DLGAP1: variants seen among roughly 807,000 people sequenced by gnomAD.
The protein encoded by DLGAP1 is DLG associated protein 1.
In DLGAP1, 11 loss-of-function variants were observed where a neutral mutation model predicts 90.8. The observed-to-expected ratio is 0.12, with a 90% CI of 0.08 to 0.20. The LOEUF is 0.20. Among genes scored for constraint, DLGAP1 ranks in the 10% least tolerant of loss-of-function variants. DLGAP1 has a pLI of 1.00. For missense variants in DLGAP1, 1,050 were observed against 1,333.8 expected, an observed-to-expected ratio of 0.79 and a Z score of 3.31; for synonymous variants, 558 against 540.7, an observed-to-expected ratio of 1.03 and a Z score of -0.44.
At chr18:3,613,216 AT>A (rs2057713206) in intron 7 of DLGAP1, among the ~76,000 whole-genome samples, 1 of 152,212 alleles carries the variant, frequency 6.6e-6, no homozygotes, top group Non-Finnish European at 1.5e-5. Flanking sequence ...TTCAGGTTAC[AT>A]GAATTGTTGG....
At chr18:4,029,055 T>G (rs1312334271) in intron 2 of DLGAP1, among the ~76,000 whole-genome samples, 1 of 152,210 alleles carries the variant, frequency 6.6e-6, no homozygotes, top group African/African-American at 2.4e-5. Context: ...TTTTACTCTC[T>G]GCTTCTAAGA....
At chr18:3,749,448 C>T (rs1006525923) in intron 5 of DLGAP1, among the ~76,000 whole-genome samples, 22 of 151,996 alleles carry the variant, frequency 1.4e-4, no homozygotes, top group African/African-American at 4.4e-4. Context: ...CCACTGCGCC[C>T]GGCCAACATC....
At chr18:4,206,897 A>G (rs1568450729) in intron 1 of DLGAP1, among the ~76,000 whole-genome samples, 1 of 152,218 alleles carries the variant, frequency 6.6e-6, no homozygotes, top group Non-Finnish European at 1.5e-5. Flanking sequence ...AAGCTGAGAG[A>G]ATTTCTTTAG....
chr18:3,909,463 C>A (rs2071985181), intron 3 of DLGAP1, among the ~76,000 whole-genome samples: 1 of 152,162 alleles, frequency 6.6e-6, no homozygotes, highest in South Asian at 2.1e-4. Context: ...CCAAAAGGGA[C>A]CGACTGTCTA....
At chr18:3,504,359 G>A (rs1488637037) in intron 11 of DLGAP1, among the ~76,000 whole-genome samples, 1 of 151,886 alleles carries the variant, frequency 6.6e-6, no homozygotes, top group African/African-American at 2.4e-5. Context: ...GGCACTTTGG[G>A]AACTATAAAT....
At chr18:3,589,419 C>T (rs1168006674) in intron 7 of DLGAP1, among the ~76,000 whole-genome samples, 2 of 152,068 alleles carry the variant, frequency 1.3e-5, no homozygotes, top group East Asian at 1.9e-4. Flanking sequence ...ACCAGCTAAG[C>T]GAATGGATCA....
intron 1 of DLGAP1, among the ~76,000 whole-genome samples, chr18:4,401,133 A>T (rs2082545265): frequency 1.3e-5 from 2 of 152,212 alleles, no homozygotes; most frequent in East Asian, 3.8e-4. Flanking sequence ...GAGGCACTTC[A>T]AAATGGTTAA....
In DLGAP1 at chr18:3,539,689, CCT is replaced by C. The variant is rs577962579; in HGVS notation, c.2058-5076_2058-5075del. 7.2e-5 allele frequency among the ~76,000 whole-genome samples: 11 copies of C among 152,310 alleles called. No individual in the cohort carries two copies. In the South Asian group the frequency reaches 1.7e-3, roughly 23 times the overall value. ...ACTGAAGAGGTTCCATTCTTGTCCC[CCT>C]GTCTGATAGAGTTGCAGTTAAACAA... is the stretch of plus-strand genomic sequence containing the variant. On this transcript the variant is annotated intron_variant, in intron 9 of 12. Transcript: ENST00000315677.
At chr18:3,999,681 G>C (rs897088845) in intron 3 of DLGAP1, among the ~76,000 whole-genome samples, 12 of 147,594 alleles carry the variant, frequency 8.1e-5, no homozygotes, top group African/African-American at 3.0e-4. Context: ...TCAAGCATAT[G>C]ATTTTGTATA....
At chr18:4,229,052 G>A (rs74816304) in intron 1 of DLGAP1, among the ~76,000 whole-genome samples, 2,947 of 151,978 alleles carry the variant, frequency 0.019, 81 homozygotes, top group African/African-American at 0.059. Context: ...CAATCAACCT[G>A]AAATAGAAAT....
intron 7 of DLGAP1, chr18:3,597,124 A>G (rs371931943): frequency 1.9e-6 from 1 of 519,276 alleles, no homozygotes; most frequent in East Asian, 5.5e-5. Context: ...ACACAAAACT[A>G]GGAACTTTGT....
intron 10 of DLGAP1, among the ~76,000 whole-genome samples, chr18:3,523,596 C>T (rs1158997765): frequency 6.6e-6 from 1 of 151,802 alleles, no homozygotes; most frequent in Non-Finnish European, 1.5e-5. Flanking sequence ...GCCTGTAATC[C>T]CAGCACTTTG....
At chr18:3,608,929 C>A (rs542281027) in intron 7 of DLGAP1, among the ~76,000 whole-genome samples, 12 of 152,316 alleles carry the variant, frequency 7.9e-5, no homozygotes, top group African/African-American at 2.9e-4. Flanking sequence ...CTCCACCTCC[C>A]AGGTTCAATG....
At chr18:3,857,476 T>C (rs912172743) in intron 4 of DLGAP1, among the ~76,000 whole-genome samples, 5 of 152,088 alleles carry the variant, frequency 3.3e-5, no homozygotes, top group Non-Finnish European at 7.4e-5. Context: ...ATTTTTACCC[T>C]ACCAGTTTAA....
intron 4 of DLGAP1, among the ~76,000 whole-genome samples, chr18:3,841,999 AG>A (rs1249992147): frequency 1.3e-5 from 2 of 151,980 alleles, no homozygotes; most frequent in Non-Finnish European, 2.9e-5. Context: ...ATATTGGGAG[AG>A]GATACCTCAC....
chr18:3,741,503 C>T (rs1017186700), intron 6 of DLGAP1, among the ~76,000 whole-genome samples: 1 of 151,562 alleles, frequency 6.6e-6, no homozygotes, highest in African/African-American at 2.4e-5. Flanking sequence ...ACTGCCATCA[C>T]CATAATTACC....
At chr18:4,283,281 C>A (rs78404710) in intron 1 of DLGAP1, among the ~76,000 whole-genome samples, 1 of 151,998 alleles carries the variant, frequency 6.6e-6, no homozygotes, top group African/African-American at 2.4e-5. Context: ...TAAATACTCC[C>A]GAAAGTTTGT....
chr18:4,089,812 G>C (rs9960380), intron 2 of DLGAP1, among the ~76,000 whole-genome samples: 4 of 151,624 alleles, frequency 2.6e-5, no homozygotes, highest in African/African-American at 9.7e-5. Context: ...TTGGGAGGCC[G>C]AGGCGGGCGG....
chr18:4,129,480 G>A (rs80116285), intron 2 of DLGAP1, among the ~76,000 whole-genome samples: 1,645 of 152,232 alleles, frequency 0.011, 9 homozygotes, highest in Middle Eastern at 0.041. Flanking sequence ...GTGGGAAATC[G>A]TGGTGCGTCA....
Sources: gnomAD v4.1 joint callset for allele counts (sites outside exome capture counted in the v4.1 genomes callset) on GRCh38, gnomAD v4.1.1 for gene constraint, MANE v1.5 for transcripts, NCBI Gene and HGNC (gene_info 2026-07-23, HGNC 2026-07-21) for gene names.